The following NAALADL2 variants were observed in gnomAD, a reference collection of about 807,000 sequenced individuals.
NAALADL2 encodes N-acetylated alpha-linked acidic dipeptidase like 2, also known as inactive N-acetylated-alpha-linked acidic dipeptidase-like protein 2.
In NAALADL2, 76 loss-of-function variants were observed where a neutral mutation model predicts 87.2. That is an observed-to-expected ratio of 0.87 (90% CI 0.72 to 1.05). The LOEUF is 1.05. NAALADL2 is among the 50% of genes least tolerant of loss of function. The pLI, the probability that NAALADL2 is intolerant of heterozygous loss-of-function variation, is 0.00. For synonymous variants in NAALADL2, 354 were observed against 331.0 expected (o/e 1.07, Z -0.75); for missense variants, 1,089 against 945.8 (o/e 1.15, Z -1.99).
chr3:175,096,393 A>T (rs1721155852), intron 1 of NAALADL2, among the ~76,000 whole-genome samples: 1 of 152,072 alleles, frequency 6.6e-6, no homozygotes, highest in South Asian at 2.1e-4. Context: ...GTGATTTGGT[A>T]ACCATGAAGG....
chr3:174,669,357 C>T (rs1163922980), intron 2 of NAALADL2, among the ~76,000 whole-genome samples: 2 of 151,902 alleles, frequency 1.3e-5, no homozygotes, highest in African/African-American at 2.4e-5. Flanking sequence ...TTCTCCCATT[C>T]TGTAGGTTGC....
At chr3:175,742,847 G>T (rs1358728150) in intron 12 of NAALADL2, among the ~76,000 whole-genome samples, 1 of 152,110 alleles carries the variant, frequency 6.6e-6, no homozygotes, top group Non-Finnish European at 1.5e-5. Flanking sequence ...GTAATAAGTT[G>T]GGGGGAATTC....
At chr3:174,693,440 T>C (rs1306830357) in intron 2 of NAALADL2, among the ~76,000 whole-genome samples, 1 of 152,156 alleles carries the variant, frequency 6.6e-6, no homozygotes, top group East Asian at 1.9e-4. Context: ...TTGGTCTTTA[T>C]TTTACTACCA....
chr3:175,293,293 T>C (rs1755895530), intron 4 of NAALADL2, among the ~76,000 whole-genome samples: 1 of 152,098 alleles, frequency 6.6e-6, no homozygotes, highest in South Asian at 2.1e-4. Flanking sequence ...GGCTTTAGAG[T>C]AGCCACAGCT....
rs576655097 is a variant in NAALADL2 at position 174,807,329 on chromosome 3, T to C, written c.-9+69583T>C. Among the ~76,000 whole-genome samples, 4 of 152,192 alleles carry C rather than the reference T, an allele frequency of 2.6e-5. No homozygotes were observed. In the South Asian group the frequency reaches 6.2e-4, roughly 24 times the overall value. On this transcript the variant is annotated intron_variant, in intron 3 of 3. Coordinates refer to the NAALADL2 transcript ENST00000434257. ...AGTGAAAAAAACACCGATAACTCTA[T>C]TGGGTAGGACTTACATTTGTTAGTA...
intron 1 of NAALADL2, among the ~76,000 whole-genome samples, chr3:175,058,299 TA>T (rs1712659628): frequency 6.6e-6 from 1 of 152,130 alleles, no homozygotes; most frequent in African/African-American, 2.4e-5. Context: ...TTTGGTTGAT[TA>T]AGTATTCATC....
rs76484037 is a variant in NAALADL2 at position 175,610,146 on chromosome 3, A to C, written c.1801-17145A>C. On this transcript the variant is annotated intron_variant, in intron 10 of 13. Transcript: ENST00000454872. ...TTATCCATTTACACATTAAGGACTT[A>C]AACATATATGATCTCATTTAAATAC... 6.6e-3 allele frequency among the ~76,000 whole-genome samples: 1,005 copies of C among 152,298 alleles called. 17 individuals are homozygous for C. Among genetic ancestry groups the C allele is most frequent in the African/African-American group, 0.023 (950 of 41,564 alleles).
intron 4 of NAALADL2, among the ~76,000 whole-genome samples, chr3:175,274,158 G>A (rs1753252705): frequency 2.6e-5 from 4 of 152,128 alleles, no homozygotes; most frequent in African/African-American, 7.2e-5. Context: ...GATGGCGAAG[G>A]GGAAGCAAGA....
chr3:174,682,848 C>T (rs923956631), intron 2 of NAALADL2, among the ~76,000 whole-genome samples: 1 of 152,178 alleles, frequency 6.6e-6, no homozygotes, highest in African/African-American at 2.4e-5. Flanking sequence ...CTGTTTGATG[C>T]TTTGACACTA....
chr3:174,773,890 T>C (rs2109118336), intron 3 of NAALADL2, among the ~76,000 whole-genome samples: 1 of 152,224 alleles, frequency 6.6e-6, no homozygotes, highest in African/African-American at 2.4e-5. Context: ...AGAGAGTGGA[T>C]GAGAGGAGTA....
chr3:175,141,747 C>T (rs1730024331), intron 2 of NAALADL2, among the ~76,000 whole-genome samples: 1 of 152,028 alleles, frequency 6.6e-6, no homozygotes, highest in African/African-American at 2.4e-5. Context: ...ATTCTCAGAG[C>T]CTTACCAAAC....
upstream of NAALADL2, among the ~76,000 whole-genome samples, chr3:174,854,367 T>C (rs1344281953): frequency 6.6e-6 from 1 of 152,080 alleles, no homozygotes; most frequent in Non-Finnish European, 1.5e-5. Flanking sequence ...AGAATGAAGA[T>C]TACTAGTGGA....
intron 1 of NAALADL2, among the ~76,000 whole-genome samples, chr3:174,871,760 G>A (rs909954678): frequency 5.9e-5 from 9 of 152,126 alleles, no homozygotes; most frequent in African/African-American, 1.2e-4. Context: ...TTAGCTGGGC[G>A]TGGTGGTGCA....
intron 3 of NAALADL2, among the ~76,000 whole-genome samples, chr3:174,823,948 A>G (rs1721708497): frequency 6.6e-6 from 1 of 152,164 alleles, no homozygotes; most frequent in Non-Finnish European, 1.5e-5. Flanking sequence ...ATTGAAATCT[A>G]TATATTTTAT....
intron 10 of NAALADL2, among the ~76,000 whole-genome samples, chr3:175,584,488 T>C (rs1720262536): frequency 6.6e-6 from 1 of 152,246 alleles, no homozygotes; most frequent in South Asian, 2.1e-4. Flanking sequence ...ACTTTTATGC[T>C]GTTTCTCAAG....
intron 1 of NAALADL2, among the ~76,000 whole-genome samples, chr3:175,023,877 C>T (rs1751883601): frequency 6.6e-6 from 1 of 152,002 alleles, no homozygotes; most frequent in South Asian, 2.1e-4. Context: ...TATAAATTAG[C>T]TATTTCACTG....
chr3:175,174,843 G>C (rs62283048), intron 2 of NAALADL2, among the ~76,000 whole-genome samples: 16,267 of 150,606 alleles, frequency 0.11, 1,015 homozygotes, highest in Admixed American at 0.15. Flanking sequence ...CATGCACACA[G>C]ACACACACAC....
chr3:175,422,966 C>T (rs1253712296), intron 5 of NAALADL2, among the ~76,000 whole-genome samples: 4 of 142,790 alleles, frequency 2.8e-5, no homozygotes, highest in Non-Finnish European at 6.0e-5. Flanking sequence ...AGATAGGGGG[C>T]ACTATCTTCC....
intron 3 of NAALADL2, chr3:175,234,862 G>A (rs1745553554): frequency 6.6e-6 from 1 of 151,820 alleles, no homozygotes; most frequent in Non-Finnish European, 1.5e-5. Flanking sequence ...TCTCTGTATT[G>A]GAGTCAATAA....
Sources: allele counts gnomAD v4.1 joint callset (sites outside exome capture counted in the v4.1 genomes callset), GRCh38; gene constraint gnomAD v4.1.1; transcripts MANE v1.5; gene names NCBI Gene and HGNC (gene_info 2026-07-23, HGNC 2026-07-21).